The following KIRREL3 variants were observed in gnomAD, a reference collection of about 807,000 sequenced individuals.
The protein encoded by KIRREL3 is kin of IRRE-like protein 3.
A neutral mutation model predicts 89.7 loss-of-function variants in KIRREL3; 36 were observed. That is an observed-to-expected ratio of 0.40 (90% confidence interval 0.31 to 0.53). The LOEUF is 0.53. KIRREL3 is among the 20% of genes least tolerant of loss of function. KIRREL3 has a pLI of 0.49. For synonymous variants in KIRREL3, 445 were observed against 441.4 expected (o/e 1.01, Z -0.10); for missense variants, 864 against 1,056.6 (o/e 0.82, Z 2.53).
rs1946633750 is a variant in KIRREL3, at chr11:126,685,545, T to G, written c.56-122633A>C. On this transcript the variant is annotated intron_variant, in intron 1 of 16. Transcript: ENST00000525144. This position sits in a 1 kb window ranked among gnomAD's most constrained non-coding sequence, Gnocchi z 5.5. ...TAATCTATAGTTAATGAGATTAAATTAATTATTATTTTAATTATGACATGT... is the reference window on the plus strand; with the variant it reads ...TAATCTATAGTTAATGAGATTAAATGAATTATTATTTTAATTATGACATGT... Among the ~76,000 whole-genome samples the G allele has an allele frequency of 6.6e-6, 1 of 152,198 alleles. No individual in the cohort carries two copies. The highest frequency in any genetic ancestry group is 1.5e-5 in the Non-Finnish European group (1 of 68,030).
In KIRREL3 at chr11:126,921,653, CCTAT is replaced by C. The variant is rs1371695029; in HGVS notation, c.55+78798_55+78801del. Reference sequence around the variant, plus strand: ...ATCTATCCATCCATCTTCCTGTGTTCCTATCTATCTATTATCTATCTGTAATCTA... The same window carrying C: ...ATCTATCCATCCATCTTCCTGTGTTCCTATCTATTATCTATCTGTAATCTA... On this transcript the variant is annotated intron_variant, in intron 1 of 16. Coordinates refer to ENST00000525144, the MANE Select transcript of KIRREL3 (RefSeq NM_032531.4). Among the ~76,000 whole-genome samples the C allele has an allele frequency of 5.7e-5, 8 of 141,348 alleles. 1 individual carries two copies. In the South Asian group the frequency reaches 6.9e-4, roughly 12 times the overall value. The allele number at this position is 141,348 out of a possible 152,430, so 92.7% of individuals were successfully genotyped here.
In KIRREL3 at chr11:126,742,416, A is replaced by C. The variant is rs1000563245; in HGVS notation, c.56-179504T>G. Among the ~76,000 whole-genome samples the C allele has an allele frequency of 2.0e-5, 3 of 152,182 alleles. No homozygotes were observed. Among genetic ancestry groups the C allele is most frequent in the African/African-American group, 7.2e-5 (3 of 41,444 alleles). On this transcript the variant is annotated intron_variant, in intron 1 of 16. Coordinates refer to ENST00000525144, the MANE Select transcript of KIRREL3 (RefSeq NM_032531.4). This position sits in a 1 kb window ranked among gnomAD's most constrained non-coding sequence, Gnocchi z 5.3. ...CATGCCTCAGTGAGCTGGACTGATAATATGGAATGGCCAACATGAAGCAGA... is the reference window on the plus strand; with the variant it reads ...CATGCCTCAGTGAGCTGGACTGATACTATGGAATGGCCAACATGAAGCAGA...
rs1941265130 is a variant in KIRREL3 at position 126,576,543 on chromosome 11, T to C, written c.56-13631A>G. Among the ~76,000 whole-genome samples the C allele has an allele frequency of 6.6e-6, 1 of 152,182 alleles. No individual in the cohort carries two copies. Among genetic ancestry groups the C allele is most frequent in the African/African-American group, 2.4e-5 (1 of 41,444 alleles). ...TAGAGGTAGGAAGTTTCATGTGGGT[T>C]TGGGCAAATTATTAAACATCCCTGG... On this transcript the variant is annotated intron_variant, in intron 1 of 16. Coordinates refer to ENST00000525144, the MANE Select transcript of KIRREL3 (RefSeq NM_032531.4). This position sits in a 1 kb window ranked among gnomAD's most constrained non-coding sequence, Gnocchi z 5.4.
intron 1 of KIRREL3, chr11:126,936,792 A>G (rs2135087825): frequency 6.6e-6 from 1 of 152,352 alleles, no homozygotes; most frequent in South Asian, 2.1e-4. Flanking sequence ...ATGAGGGATC[A>G]CTTGGGAGAG....
At chr11:126,935,177 A>G (rs1247824837) in intron 1 of KIRREL3, 1 of 152,168 alleles carries the variant, frequency 6.6e-6, no homozygotes, top group Non-Finnish European at 1.5e-5. Flanking sequence ...ACCACTACAT[A>G]CTTATTATAA....
chr11:126,947,213 G>T (rs1243044787), intron 1 of KIRREL3, among the ~76,000 whole-genome samples: 1 of 152,036 alleles, frequency 6.6e-6, no homozygotes, highest in African/African-American at 2.4e-5. Context: ...TATTCTCCAG[G>T]CTTCACTAGT....
chr11:126,442,342 AC>A lies in KIRREL3; in HGVS notation c.1253-1794del, dbSNP rs1565454336. ...CACACACACACACACACACACACAC[AC>A]ACACACACACAAAACCTTTTCCTTG... On this transcript the variant is annotated intron_variant, in intron 10 of 16. Coordinates refer to ENST00000525144, the MANE Select transcript of KIRREL3 (RefSeq NM_032531.4). Among the ~76,000 whole-genome samples the A allele has an allele frequency of 1.4e-3, 200 of 140,504 alleles. 1 individual carries two copies. Among genetic ancestry groups the A allele is most frequent in the African/African-American group, 4.8e-3 (179 of 36,920 alleles). 92.2% of individuals were successfully genotyped at this position (140,504 alleles called of 152,430 possible).
At position 126,955,520 on chromosome 11, in the gene KIRREL3, C is replaced by T. The variant is rs139603911; in HGVS notation, c.55+44935G>A. On this transcript the variant is annotated intron_variant, in intron 1 of 16. Coordinates refer to ENST00000525144, the MANE Select transcript of KIRREL3 (RefSeq NM_032531.4). The surrounding 1 kb of genome is among the most constrained non-coding windows in gnomAD (Gnocchi z 4.6). ...GCACGAAGGTGGTCTGATGTGGATTCCAGGGTGAAGGTGGTTTGTCCTCCA... is the reference window on the plus strand; with the variant it reads ...GCACGAAGGTGGTCTGATGTGGATTTCAGGGTGAAGGTGGTTTGTCCTCCA... Among the ~76,000 whole-genome samples, 132 of 152,314 alleles carry T rather than the reference C, an allele frequency of 8.7e-4. 1 individual carries two copies. The highest frequency in any genetic ancestry group is 3.1e-3 in the African/African-American group (128 of 41,574).
At position 126,890,330 on chromosome 11, in the gene KIRREL3, C is replaced by T. The variant is rs566226184; in HGVS notation, c.55+110125G>A. On this transcript the variant is annotated intron_variant, in intron 1 of 16. Transcript: ENST00000525144. The surrounding 1 kb of genome is among the most constrained non-coding windows in gnomAD (Gnocchi z 5.1). ...ATAGCCGAGAAAGGGCTTGTACTGG[C>T]CATGCCAGAGTCTAGAGGGAAGAGC... 1.3e-5 allele frequency among the ~76,000 whole-genome samples: 2 copies of T among 152,298 alleles called. No homozygotes were observed. Among genetic ancestry groups the T allele is most frequent in the Admixed American group, 6.5e-5 (1 of 15,290 alleles).
chr11:126,619,382 G>A (rs1434056830), intron 1 of KIRREL3, among the ~76,000 whole-genome samples: 1 of 152,186 alleles, frequency 6.6e-6, no homozygotes, highest in East Asian at 1.9e-4. Flanking sequence ...ATGGTGTAGG[G>A]CCCACCTGCC....
intron 4 of KIRREL3, among the ~76,000 whole-genome samples, chr11:126,510,742 CTT>C (rs914853752): frequency 6.6e-5 from 10 of 152,180 alleles, no homozygotes; most frequent in African/African-American, 2.2e-4. Flanking sequence ...CAGTATCTCT[CTT>C]ATGTCTTTTA....
Position 126,579,143 on chromosome 11 carries a change from C to T in KIRREL3, c.56-16231G>A, listed in dbSNP as rs1024254480. On this transcript the variant is annotated intron_variant, in intron 1 of 16. Transcript: ENST00000525144. This position sits in a 1 kb window ranked among gnomAD's most constrained non-coding sequence, Gnocchi z 5.3. ...GTCTCGGAGAGGTCCTCCCTTCCTG[C>T]CAGCCATTGATGATCCTGGAGGATG... Among the ~76,000 whole-genome samples the T allele has an allele frequency of 6.6e-5, 10 of 152,030 alleles. No homozygotes were observed. Among genetic ancestry groups the T allele is most frequent in the African/African-American group, 9.7e-5 (4 of 41,382 alleles).
In KIRREL3 at chr11:126,606,889, G is replaced by A. The variant is rs1283273018; in HGVS notation, c.56-43977C>T. ...ATTTGGGGGGTCAAGGGAGGACTCTGGATGGGAAAGGGGAGAAGCTCAGAT... is the reference window on the plus strand; with the variant it reads ...ATTTGGGGGGTCAAGGGAGGACTCTAGATGGGAAAGGGGAGAAGCTCAGAT... On this transcript the variant is annotated intron_variant, in intron 1 of 16. Transcript: ENST00000525144. This position sits in a 1 kb window ranked among gnomAD's most constrained non-coding sequence, Gnocchi z 4.6. 6.6e-6 allele frequency among the ~76,000 whole-genome samples: 1 copy of A among 152,060 alleles called. No individual in the cohort carries two copies. Among genetic ancestry groups the A allele is most frequent in the Non-Finnish European group, 1.5e-5 (1 of 68,010 alleles).
rs1051437745 is a variant in KIRREL3 at position 126,495,253 on chromosome 11, C to G, written c.434-21787G>C. On this transcript the variant is annotated intron_variant, in intron 4 of 16. Transcript: ENST00000525144. The surrounding 1 kb of genome is among the most constrained non-coding windows in gnomAD (Gnocchi z 6.5). ...CCTTTCAGGAACTCCCAGTGGCTTTCCCTTGTTTGCAGAGTGCAGTGTGAC... is the reference window on the plus strand; with the variant it reads ...CCTTTCAGGAACTCCCAGTGGCTTTGCCTTGTTTGCAGAGTGCAGTGTGAC... 2.0e-5 allele frequency among the ~76,000 whole-genome samples: 3 copies of G among 152,180 alleles called. No homozygotes were observed. Among genetic ancestry groups the G allele is most frequent in the Non-Finnish European group, 4.4e-5 (3 of 68,012 alleles).
intron 1 of KIRREL3, among the ~76,000 whole-genome samples, chr11:126,880,490 G>T (rs900631211): frequency 6.6e-6 from 1 of 152,168 alleles, no homozygotes; most frequent in Non-Finnish European, 1.5e-5. Context: ...AGATTCTACT[G>T]CTAGGCATTT....
intron 5 of KIRREL3, among the ~76,000 whole-genome samples, chr11:126,466,931 T>C (rs577570280): frequency 2.0e-5 from 3 of 152,322 alleles, no homozygotes; most frequent in East Asian, 3.9e-4. Flanking sequence ...TCCAGTGTGG[T>C]GAGCACTAAC....
intron 1 of KIRREL3, among the ~76,000 whole-genome samples, chr11:126,938,274 A>G (rs1948291878): frequency 6.6e-6 from 1 of 152,238 alleles, no homozygotes. Flanking sequence ...TTAATAACAG[A>G]GTTAATAACA....
rs111385475 is a variant in KIRREL3 at position 126,588,474 on chromosome 11, C to T, written c.56-25562G>A. The stretch of plus-strand genomic sequence containing the variant: ...TGGGGACTCCCCTTTCCTGGGATAG[C>T]GACCTGGAGGGGTTTGGGTGGAGCC... On this transcript the variant is annotated intron_variant, in intron 1 of 16. Transcript: ENST00000525144. 1.2e-3 allele frequency among the ~76,000 whole-genome samples: 179 copies of T among 152,158 alleles called. 1 individual carries two copies. Among genetic ancestry groups the T allele is most frequent in the African/African-American group, 4.2e-3 (175 of 41,508 alleles).
intron 1 of KIRREL3, among the ~76,000 whole-genome samples, chr11:126,692,572 A>T (rs113411604): frequency 4.1e-4 from 60 of 148,038 alleles, no homozygotes; most frequent in African/African-American, 1.5e-3. Flanking sequence ...AAAAAAAAAA[A>T]GGAGGTGGAA....
Sources: gnomAD v4.1 joint callset for allele counts (sites outside exome capture counted in the v4.1 genomes callset) on GRCh38, gnomAD v4.1.1 for gene constraint, Gnocchi (gnomAD v3.1) non-coding constraint, MANE v1.5 for transcripts, NCBI Gene and HGNC (gene_info 2026-07-23, HGNC 2026-07-21) for gene names.